Variants in KCNAB3 observed in about 807,000 individuals in gnomAD.
KCNAB3 encodes the protein potassium voltage-gated channel subfamily A regulatory beta subunit 3.
In KCNAB3, 62 loss-of-function variants were observed where a neutral mutation model predicts 67.7. The observed-to-expected ratio is 0.92, with a 90% CI of 0.75 to 1.13. The LOEUF (loss-of-function observed/expected upper bound fraction) is 1.13. KCNAB3 is among the 50% of genes most tolerant of loss of function. The pLI is 0.00. For synonymous variants in KCNAB3, 212 were observed against 205.4 expected (o/e 1.03, Z -0.27); for missense variants, 514 against 522.9 (o/e 0.98, Z 0.17).
chr17:7,929,470 G>A lies in KCNAB3; in HGVS notation c.-35C>T, dbSNP rs1273898277. ...CCGAGGCGGGGGAGGGGGCTCCGAGGGGACGGGAGGGGGGAGCAGGGAAGC... is the reference window on the plus strand; with the variant it reads ...CCGAGGCGGGGGAGGGGGCTCCGAGAGGACGGGAGGGGGGAGCAGGGAAGC... On this transcript the variant is annotated 5_prime_UTR_variant, in exon 1 of 14. Coordinates refer to ENST00000303790, the MANE Select transcript of KCNAB3 (RefSeq NM_004732.4). This position sits in a 1 kb window ranked among gnomAD's most constrained non-coding sequence, Gnocchi z 5.7. The A allele has an allele frequency of 1.3e-6, 2 of 1,521,444 alleles. No homozygotes were observed. The highest frequency in any genetic ancestry group is 1.2e-5 in the South Asian group (1 of 82,708). 94.2% of individuals were successfully genotyped at this position (1,521,444 alleles called of 1,614,324 possible).
In KCNAB3 at chr17:7,929,822, T is replaced by A. The variant is rs1239812830; in HGVS notation, c.-387A>T. The A allele has an allele frequency of 6.6e-6, 7 of 1,066,412 alleles. No homozygotes were observed. The South Asian group carries it at 8.3e-5, about 13-fold the overall frequency. The allele number at this position is 1,066,412 out of a possible 1,614,324, so 66.1% of individuals were successfully genotyped here. On this transcript the variant is annotated 5_prime_UTR_variant, in exon 1 of 14. Transcript: ENST00000303790. This position sits in a 1 kb window ranked among gnomAD's most constrained non-coding sequence, Gnocchi z 5.7. ...CAGCGCGAACCGCTGCGGGACCCGCTGGGCTCCCAGCCGCGTCGGCAGCGG... is the reference window on the plus strand; with the variant it reads ...CAGCGCGAACCGCTGCGGGACCCGCAGGGCTCCCAGCCGCGTCGGCAGCGG...
At chr17:7,926,808 T>C (rs1414172415) in intron 4 of KCNAB3, among the ~76,000 whole-genome samples, 1 of 152,004 alleles carries the variant, frequency 6.6e-6, no homozygotes, top group Non-Finnish European at 1.5e-5. Context: ...ACAAGTTCCA[T>C]GGAAGGAGGC....
In KCNAB3 at chr17:7,924,204, T is replaced by C; in HGVS notation, c.773A>G (p.His258Arg). Residue 258 changes from histidine (H) to arginine (R), a missense_variant, in exon 10 of 14, where the codon CAC becomes CGC. Transcript: ENST00000303790. ...CACCTTCTCCCTCTGAAACAGATGG[T>C]GCTCCGCTTGTTCACACACTGGAGG... The part of the protein sequence containing the change: ...LIPPVCEQAE[H>R]HLFQREKVEM... The C allele has an allele frequency of 6.2e-7, 1 of 1,614,182 alleles. No individual in the cohort carries two copies. Among genetic ancestry groups the C allele is most frequent in the East Asian group, 2.2e-5 (1 of 44,886 alleles).
At position 7,929,034 on chromosome 17, in the gene KCNAB3, G is replaced by T; in HGVS notation, c.242+160C>A. ...AGTCAGGGGTATCGACAGAAACCAA[G>T]AGAGGGACAAAGTGAGGGAGTGCCA... is the stretch of plus-strand genomic sequence containing the variant. On this transcript the variant is annotated intron_variant, in intron 1 of 13. Coordinates refer to ENST00000303790, the MANE Select transcript of KCNAB3 (RefSeq NM_004732.4). This position sits in a 1 kb window ranked among gnomAD's most constrained non-coding sequence, Gnocchi z 5.7. 8.4e-7 allele frequency: 1 copy of T among 1,184,494 alleles called. No homozygotes were observed. The highest frequency in any genetic ancestry group is 1.6e-5 in the South Asian group (1 of 62,320). The allele number at this position is 1,184,494 out of a possible 1,614,324, so 73.4% of individuals were successfully genotyped here.
Position 7,929,437 on chromosome 17 carries a change from C to T in KCNAB3, c.-2G>A. The T allele has an allele frequency of 6.5e-7, 1 of 1,530,816 alleles. No individual in the cohort carries two copies. Among genetic ancestry groups the T allele is most frequent in the Non-Finnish European group, 8.8e-7 (1 of 1,136,144 alleles). The allele number at this position is 1,530,816 out of a possible 1,614,324, so 94.8% of individuals were successfully genotyped here. Reference sequence around the variant, plus strand: ...GGTACACGCGATAGACACCTGCATGCTGGCTGGCCGAGGCGGGGGAGGGGG... The same window carrying T: ...GGTACACGCGATAGACACCTGCATGTTGGCTGGCCGAGGCGGGGGAGGGGG... On this transcript the variant is annotated 5_prime_UTR_variant, in exon 1 of 14. Coordinates refer to ENST00000303790, the MANE Select transcript of KCNAB3 (RefSeq NM_004732.4). The surrounding 1 kb of genome is among the most constrained non-coding windows in gnomAD (Gnocchi z 5.7).
At chr17:7,928,663 C>T (rs935226640) in intron 1 of KCNAB3, among the ~76,000 whole-genome samples, 2 of 152,170 alleles carry the variant, frequency 1.3e-5, no homozygotes, top group African/African-American at 4.8e-5. Flanking sequence ...TTTCAGTCTA[C>T]CCAGACCCTG....
chr17:7,927,529 C>T, intron 3 of KCNAB3, 106 bp from the exon 4 acceptor site: 2 of 1,499,052 alleles, frequency 1.3e-6, no homozygotes, highest in Non-Finnish European at 1.9e-6. Flanking sequence ...TCTCTCCCCT[C>T]TCCCCATCCT....
In KCNAB3 at chr17:7,922,899, G is replaced by T; in HGVS notation, c.*203C>A. ...GAAAGACGCAGCAGGGGGCGGGCGT[G>T]CTACTTTCTCTCTCGACCCCACTGC... On this transcript the variant is annotated 3_prime_UTR_variant, in exon 14 of 14. Transcript: ENST00000303790. 3.4e-6 allele frequency: 2 copies of T among 593,254 alleles called. 1 individual carries two copies. The highest frequency in any genetic ancestry group is 3.9e-5 in the South Asian group (2 of 51,228). The allele number at this position is 593,254 out of a possible 1,614,324, so 36.7% of individuals were successfully genotyped here.
intron 4 of KCNAB3, 139 bp from the exon 5 acceptor site, chr17:7,926,242 A>G: frequency 1.2e-6 from 1 of 867,922 alleles, no homozygotes; most frequent in Non-Finnish European, 1.8e-6. Flanking sequence ...CCTGGACAAA[A>G]TAAGAGGTCT....
intron 13 of KCNAB3, 46 bp downstream of exon 13, chr17:7,923,410 C>T (rs546546604): frequency 6.4e-7 from 1 of 1,568,032 alleles, no homozygotes; most frequent in African/African-American, 1.4e-5. Flanking sequence ...GCTTTGACTC[C>T]TGGGGAGGGG....
At chr17:7,925,217 C>T in intron 7 of KCNAB3, 34 bp from the exon 8 acceptor site, 1 of 1,568,984 alleles carries the variant, frequency 6.4e-7, no homozygotes, top group Non-Finnish European at 8.8e-7. Flanking sequence ...AAATAAGCAC[C>T]TCAGCTTCAG....
intron 8 of KCNAB3, 170 bp downstream of exon 8, chr17:7,924,927 G>A: frequency 3.3e-6 from 2 of 608,656 alleles, no homozygotes; most frequent in South Asian, 2.2e-5. Flanking sequence ...AACATTTTTT[G>A]TAGAGACAGG....
chr17:7,928,721 C>T (rs1449608426), intron 1 of KCNAB3, among the ~76,000 whole-genome samples: 3 of 152,206 alleles, frequency 2.0e-5, no homozygotes, highest in African/African-American at 7.2e-5. Flanking sequence ...CCCACCGGCC[C>T]CACTCCCCTT....
intron 8 of KCNAB3, chr17:7,924,715 G>A: frequency 7.4e-7 from 1 of 1,346,176 alleles, no homozygotes; most frequent in Non-Finnish European, 9.5e-7. Flanking sequence ...CTGGCTTCCT[G>A]CTGAGGGTTT....
At position 7,924,432 on chromosome 17, in the gene KCNAB3, C is replaced by G; in HGVS notation, c.694G>C (p.Gly232Arg). 1.9e-6 allele frequency: 3 copies of G among 1,613,966 alleles called. No homozygotes were observed. The highest frequency in any genetic ancestry group is 2.5e-6 in the Non-Finnish European group (3 of 1,179,906). The change falls in exon 9 of 14, where the codon GGG becomes CGG. Residue 232 changes from glycine to arginine, a missense_variant. Physicochemically the swap from Gly to Arg is moderately radical, Grantham distance 125 (BLOSUM62 -2). Transcript: ENST00000303790. ...ACACTCACCATGATTTCTGCAGCCC[C>G]CCATCGGGATGTCCCCCAGTATAGG... ...LALYWGTSRW[G>R]AAEIMEAYSM...
In KCNAB3 at chr17:7,925,090, CT is replaced by C. The variant is rs1415096772; in HGVS notation, c.625+6del. ...AGGACTGTAAGGTTTGGGGGTGCTG[CT>C]TTTACCCTCCATAGGACAGTTGGGG... On this transcript the variant is annotated splice_donor_region_variant and intron_variant, in intron 8 of 13. Transcript: ENST00000303790. 6.2e-7 allele frequency: 1 copy of C among 1,609,744 alleles called. No individual in the cohort carries two copies. Among genetic ancestry groups the C allele is most frequent in the South Asian group, 1.1e-5 (1 of 91,010 alleles).
In KCNAB3 at chr17:7,923,439, C is replaced by T. The variant is rs1567890324; in HGVS notation, c.1137+17G>A. On this transcript the variant is annotated intron_variant, in intron 13 of 13. Coordinates refer to ENST00000303790, the MANE Select transcript of KCNAB3 (RefSeq NM_004732.4). ...GGAGGGGGACAGATAGGCTCTGCCTCTGAGTCCCCGGCTCACCTGTAGCGC... is the reference window on the plus strand; with the variant it reads ...GGAGGGGGACAGATAGGCTCTGCCTTTGAGTCCCCGGCTCACCTGTAGCGC... The T allele has an allele frequency of 1.2e-6, 2 of 1,600,920 alleles. No individual in the cohort carries two copies. The highest frequency in any genetic ancestry group is 4.6e-5 in the East Asian group (2 of 43,718).
At position 7,923,986 on chromosome 17, in the gene KCNAB3, A is replaced by G; in HGVS notation, c.909T>C (p.Thr303=). ...TSKYDGRVPD[T]CRASIKGYQW... is the part of the protein sequence containing the mutation. ...ATCTCACCTTGATGGAGGCCCTGCA[A>G]GTATCTGGGACTCGCCCATCATACT... Residue 303 remains threonine (T), a synonymous_variant, in exon 11 of 14, where the codon ACT becomes ACC. Coordinates refer to ENST00000303790, the MANE Select transcript of KCNAB3 (RefSeq NM_004732.4). 6.2e-7 allele frequency: 1 copy of G among 1,613,400 alleles called. No homozygotes were observed. Among genetic ancestry groups the G allele is most frequent in the Non-Finnish European group, 8.5e-7 (1 of 1,179,814 alleles).
chr17:7,925,638 G>C (rs756429017), intron 7 of KCNAB3, 45 bp downstream of exon 7: 1 of 1,598,824 alleles, frequency 6.3e-7, no homozygotes, highest in Admixed American at 1.7e-5. Context: ...TACTCCTCTG[G>C]CTTCCATATC....
Sources: allele counts gnomAD v4.1 joint callset (sites outside exome capture counted in the v4.1 genomes callset), GRCh38; gene constraint gnomAD v4.1.1; non-coding constraint Gnocchi (gnomAD v3.1); transcripts MANE v1.5; gene names NCBI Gene and HGNC (gene_info 2026-07-23, HGNC 2026-07-21).